Variants in CDH20 observed in about 807,000 individuals in gnomAD.
CDH20 encodes the protein cadherin-20.
In CDH20, 29 loss-of-function variants were observed where a neutral mutation model predicts 74.2. That is an observed-to-expected ratio of 0.39 (90% confidence interval 0.29 to 0.53). CDH20 has a LOEUF of 0.53. Ranked by LOEUF, CDH20 falls within the 20% of genes least tolerant of loss-of-function variation. The pLI is 0.69. For synonymous variants in CDH20, 469 were observed against 405.4 expected (o/e 1.16, Z -1.88); for missense variants, 988 against 1,048.3 (o/e 0.94, Z 0.79).
chr18:61,479,273 T>C (rs1002052100), intron 1 of CDH20, among the ~76,000 whole-genome samples: 1 of 152,136 alleles, frequency 6.6e-6, no homozygotes, highest in Non-Finnish European at 1.5e-5. Flanking sequence ...AACCATCCCC[T>C]GCTCCAACCT....
At chr18:61,423,101 G>C (rs1169380431) in intron 1 of CDH20, among the ~76,000 whole-genome samples, 1 of 152,160 alleles carries the variant, frequency 6.6e-6, no homozygotes, top group East Asian at 1.9e-4. Context: ...TCAATGGCTG[G>C]TCCAATGCGA....
At chr18:61,494,778 G>A (rs567785811) in intron 2 of CDH20, among the ~76,000 whole-genome samples, 10 of 152,176 alleles carry the variant, frequency 6.6e-5, no homozygotes, top group African/African-American at 2.2e-4. Flanking sequence ...CATATGCAAA[G>A]AGAGGGATGC....
chr18:61,406,522 C>T (rs113566629), intron 1 of CDH20, among the ~76,000 whole-genome samples: 311 of 152,234 alleles, frequency 2.0e-3, no homozygotes, highest in African/African-American at 6.8e-3. Flanking sequence ...TAGTGGAGGA[C>T]AGAACACTAT....
chr18:61,365,223 G>A (rs1050643656), intron 1 of CDH20, among the ~76,000 whole-genome samples: 1 of 152,182 alleles, frequency 6.6e-6, no homozygotes, highest in African/African-American at 2.4e-5. Flanking sequence ...TACTACTGCA[G>A]CATCTTGGAA....
At chr18:61,430,918 G>A (rs1913232681) in intron 1 of CDH20, among the ~76,000 whole-genome samples, 1 of 152,092 alleles carries the variant, frequency 6.6e-6, no homozygotes, top group South Asian at 2.1e-4. Context: ...CTGGAGAATG[G>A]TATTGGAAAC....
chr18:61,334,157 T>G (rs1909668009), intron 1 of CDH20: 1 of 152,174 alleles, frequency 6.6e-6, no homozygotes, highest in African/African-American at 2.4e-5. Context: ...TGACTGGGGA[T>G]CCAGGAGCGC....
At chr18:61,358,356 G>A (rs992498041) in intron 1 of CDH20, among the ~76,000 whole-genome samples, 4 of 151,858 alleles carry the variant, frequency 2.6e-5, no homozygotes, top group Non-Finnish European at 4.4e-5. Context: ...TCCTGACCTC[G>A]TGATCCTCCC....
chr18:61,400,031 T>A (rs1912105604), intron 1 of CDH20, among the ~76,000 whole-genome samples: 1 of 152,186 alleles, frequency 6.6e-6, no homozygotes, highest in Non-Finnish European at 1.5e-5. Flanking sequence ...CCTTAGTGTC[T>A]AAAAATATAA....
Position 61,550,141 on chromosome 18 carries a change from G to C in CDH20, c.1812G>C (p.Met604Ile), listed in dbSNP as rs1476943337. 2 of 1,614,210 alleles carry C rather than the reference G, an allele frequency of 1.2e-6. No individual in the cohort carries two copies. The highest frequency in any genetic ancestry group is 1.6e-4 in the Middle Eastern group (1 of 6,062). ...VCSCDDDGHVMSCSPEAYMLP... is the reference protein window; with the variant it reads ...VCSCDDDGHVISCSPEAYMLP... The stretch of plus-strand genomic sequence containing the variant: ...GCTGTGATGACGACGGCCACGTCAT[G>C]TCCTGCAGCCCAGAGGCCTACATGC... The change falls in exon 11 of 12, where the codon ATG becomes ATC. Residue 604 changes from methionine (M) to isoleucine (I), a missense_variant. Around this residue, in one of 2 missense-constraint regions of CDH20, gnomAD observed 375 missense variants for 293.1 expected, o/e 1.28. Coordinates refer to ENST00000262717, the MANE Select transcript of CDH20 (RefSeq NM_031891.4).
rs1912001149 is a variant in CDH20 at position 61,396,929 on chromosome 18, G to A, written c.-153+63102G>A. The stretch of plus-strand genomic sequence containing the variant: ...AGTCTCCTCTGAGACATCTCTCATT[G>A]CTGTCTGTTTATCCCTTCAAGCCTG... On this transcript the variant is annotated intron_variant, in intron 1 of 11. Coordinates refer to ENST00000262717, the MANE Select transcript of CDH20 (RefSeq NM_031891.4). Among the ~76,000 whole-genome samples the A allele has an allele frequency of 2.6e-5, 4 of 152,238 alleles. No individual in the cohort carries two copies. In the South Asian group the frequency reaches 8.3e-4, roughly 32 times the overall value.
intron 1 of CDH20, among the ~76,000 whole-genome samples, chr18:61,412,396 C>T (rs1912543422): frequency 2.0e-5 from 3 of 152,084 alleles, no homozygotes; most frequent in African/African-American, 7.2e-5. Context: ...ATTGGTACAA[C>T]CTTTTAACAA....
At chr18:61,448,141 G>A (rs186779049) in intron 1 of CDH20, among the ~76,000 whole-genome samples, 1 of 152,280 alleles carries the variant, frequency 6.6e-6, no homozygotes, top group African/African-American at 2.4e-5. Context: ...CTAAGACAGA[G>A]AACACAATGC....
chr18:61,464,676 C>T (rs1909904632), intron 1 of CDH20, among the ~76,000 whole-genome samples: 1 of 152,192 alleles, frequency 6.6e-6, no homozygotes, highest in Non-Finnish European at 1.5e-5. Flanking sequence ...AAAACACTGG[C>T]TAGAAGTGAA....
At chr18:61,358,116 CTTT>C (rs778820209) in intron 1 of CDH20, among the ~76,000 whole-genome samples, 24 of 138,160 alleles carry the variant, frequency 1.7e-4, no homozygotes, top group Non-Finnish European at 2.4e-4. Context: ...GTTATTGTTC[CTTT>C]TTTTTTTTTT....
chr18:61,554,804 G>C lies in CDH20; in HGVS notation c.*109G>C. ...CAATACTGTGCTGGAGAGTGAGAAT[G>C]GGGGTGAGCAGGCGAACAGAGCTCT... On this transcript the variant is annotated 3_prime_UTR_variant, in exon 12 of 12. Coordinates refer to ENST00000262717, the MANE Select transcript of CDH20 (RefSeq NM_031891.4). The C allele has an allele frequency of 1.4e-6, 2 of 1,435,400 alleles. No individual in the cohort carries two copies. Among genetic ancestry groups the C allele is most frequent in the South Asian group, 2.9e-5 (2 of 68,336 alleles). The allele number at this position is 1,435,400 out of a possible 1,614,324, so 88.9% of individuals were successfully genotyped here.
chr18:61,490,786 T>A lies in CDH20; in HGVS notation c.233T>A (p.Leu78Ter). 6.2e-7 allele frequency: 1 copy of A among 1,614,064 alleles called. No homozygotes were observed. Among genetic ancestry groups the A allele is most frequent in the Non-Finnish European group, 8.5e-7 (1 of 1,179,956 alleles). The stretch of plus-strand genomic sequence containing the variant: ...GAAGAGTACACTGGGACCGACCCTT[T>A]GTATGTCGGCAAGGTAAGAAATGCC... The part of the protein sequence containing the change: ...VLEEYTGTDP[L>*]YVGKLHSDMD... The change falls in exon 2 of 12, where the codon TTG becomes TAG. Residue 78 changes from leucine (L) to a stop codon, truncating the protein, a stop_gained. Transcript: ENST00000262717. LOFTEE classifies it high-confidence loss of function.
chr18:61,371,163 G>A (rs2074144983), intron 1 of CDH20, among the ~76,000 whole-genome samples: 2 of 152,198 alleles, frequency 1.3e-5, no homozygotes, highest in East Asian at 3.9e-4. Context: ...TTTAAAAGGG[G>A]CAGAGAGGAT....
intron 1 of CDH20, among the ~76,000 whole-genome samples, chr18:61,464,122 A>C (rs1419652546): frequency 1.3e-5 from 2 of 152,192 alleles, no homozygotes; most frequent in Admixed American, 6.5e-5. Flanking sequence ...TATATAGCAC[A>C]GTAAGAAGTG....
intron 1 of CDH20, among the ~76,000 whole-genome samples, chr18:61,428,546 C>A (rs1599078477): frequency 6.6e-6 from 1 of 152,154 alleles, no homozygotes; most frequent in East Asian, 1.9e-4. Context: ...GCTCCATTTC[C>A]CATCACTGTA....
Sources: allele counts gnomAD v4.1 joint callset (sites outside exome capture counted in the v4.1 genomes callset), GRCh38; gene constraint gnomAD v4.1.1; regional missense constraint gnomAD v4.1.1; transcripts MANE v1.5; gene names NCBI Gene and HGNC (gene_info 2026-07-23, HGNC 2026-07-21).